SLC16A2: variants seen among roughly 807,000 people sequenced by gnomAD.
SLC16A2 encodes solute carrier family 16 member 2.
A neutral mutation model predicts 27.2 loss-of-function variants in SLC16A2; 3 were observed. That is an observed-to-expected ratio of 0.11 (90% CI 0.05 to 0.28). SLC16A2 has a LOEUF of 0.28. Among genes scored for constraint, SLC16A2 ranks in the 10% least tolerant of loss-of-function variants. The probability of loss-of-function intolerance (pLI) is 1.00; values close to 1 mark genes in which losing one functional copy is unlikely to be tolerated. For missense variants in SLC16A2, 295 were observed against 458.5 expected (o/e 0.64, Z 3.26); for synonymous variants, 202 against 187.8 (o/e 1.08, Z -0.62).
At chrX:74,477,444 T>C (rs986067122) in intron 1 of SLC16A2, among the ~76,000 whole-genome samples, 2 of 112,052 alleles carry the variant, frequency 1.8e-5, no homozygotes, top group Admixed American at 9.5e-5. Context: ...CCTGGATTCA[T>C]TGATTTTTTT....
chrX:74,509,050 C>A (rs773335840), intron 1 of SLC16A2, among the ~76,000 whole-genome samples: 1 of 111,285 alleles, frequency 9.0e-6, no homozygotes, highest in South Asian at 3.8e-4. Context: ...TAGCCTCCAC[C>A]TCCCCAGGCT....
chrX:74,454,093 C>T (rs753124980), intron 1 of SLC16A2, among the ~76,000 whole-genome samples: 120 of 111,356 alleles, frequency 1.1e-3, no homozygotes, highest in Non-Finnish European at 1.3e-3. Flanking sequence ...TCACTGTTTT[C>T]TTTCCTGTAC....
chrX:74,462,031 G>A (rs765453833), intron 1 of SLC16A2, among the ~76,000 whole-genome samples: 37 of 111,536 alleles, frequency 3.3e-4, no homozygotes, highest in African/African-American at 1.2e-3. Context: ...CTTAATAGCT[G>A]CCCCTTCCCG....
chrX:74,433,917 G>A (rs1928575976), intron 1 of SLC16A2, among the ~76,000 whole-genome samples: 1 of 112,053 alleles, frequency 8.9e-6, no homozygotes, highest in Non-Finnish European at 1.9e-5. Context: ...CATAAAATAA[G>A]TATAATAATA....
chrX:74,465,950 A>C (rs918355433), intron 1 of SLC16A2, among the ~76,000 whole-genome samples: 8 of 111,249 alleles, frequency 7.2e-5, no homozygotes, highest in African/African-American at 2.6e-4. Flanking sequence ...AGAAAGAACA[A>C]GATGTCCTTA....
intron 1 of SLC16A2, among the ~76,000 whole-genome samples, chrX:74,509,842 C>T (rs770938577): frequency 8.9e-6 from 1 of 112,841 alleles, no homozygotes; most frequent in East Asian, 2.8e-4. Flanking sequence ...GCTGGGATTA[C>T]AGGCGTGGGC....
intron 5 of SLC16A2, among the ~76,000 whole-genome samples, chrX:74,530,290 C>T (rs559959801): frequency 1.5e-4 from 16 of 109,180 alleles, no homozygotes; most frequent in African/African-American, 2.3e-4. Context: ...TTAGTAGAGA[C>T]GGGGTTTCAC....
intron 4 of SLC16A2, among the ~76,000 whole-genome samples, chrX:74,527,533 A>T (rs1286730678): frequency 1.8e-5 from 2 of 112,270 alleles, no homozygotes; most frequent in African/African-American, 3.2e-5. Context: ...GTTGGTAAAG[A>T]CAAGCACATA....
At chrX:74,497,645 C>T (rs1036582908) in intron 1 of SLC16A2, among the ~76,000 whole-genome samples, 21 of 109,504 alleles carry the variant, frequency 1.9e-4, no homozygotes, top group African/African-American at 6.7e-4. Flanking sequence ...GCTGTAGGGC[C>T]TCAGATAATA....
intron 1 of SLC16A2, 68 bp from the exon 2 acceptor site, chrX:74,520,922 T>G: frequency 1.5e-5 from 17 of 1,144,521 alleles, no homozygotes; most frequent in Non-Finnish European, 2.0e-5. Flanking sequence ...GAAGAAGAGC[T>G]GAGATACCAG....
In SLC16A2 at chrX:74,506,665, C is replaced by G. The variant is rs780385780; in HGVS notation, c.431-14325C>G. Among the ~76,000 whole-genome samples the G allele has an allele frequency of 1.2e-4, 13 of 110,753 alleles. No homozygotes were observed. The Admixed American group carries it at 1.3e-3, about 11-fold the overall frequency. ...CAGGTCTAGGGCAGAAGGGAGATCT[C>G]AGGGACTTTCCCATGGAGCCCCAGG... On this transcript the variant is annotated intron_variant, in intron 1 of 5. Transcript: ENST00000587091.
At chrX:74,516,470 G>A (rs1930318880) in intron 1 of SLC16A2, among the ~76,000 whole-genome samples, 1 of 111,185 alleles carries the variant, frequency 9.0e-6, no homozygotes. Flanking sequence ...AATGAGGGAG[G>A]GTGAGGAGAT....
intron 1 of SLC16A2, among the ~76,000 whole-genome samples, chrX:74,457,676 G>GAC (rs1412146334): frequency 3.6e-5 from 4 of 111,209 alleles, no homozygotes; most frequent in Admixed American, 9.7e-5. Flanking sequence ...TTTTTGGGGA[G>GAC]ACACACACAC....
chrX:74,462,285 A>G (rs906009395), intron 1 of SLC16A2, among the ~76,000 whole-genome samples: 3 of 111,637 alleles, frequency 2.7e-5, no homozygotes, highest in Non-Finnish European at 5.6e-5. Flanking sequence ...CCTGACTGCT[A>G]GTGTTTCACC....
chrX:74,523,809 C>T (rs935104743), intron 2 of SLC16A2, among the ~76,000 whole-genome samples: 5 of 111,951 alleles, frequency 4.5e-5, no homozygotes, highest in Non-Finnish European at 9.4e-5. Context: ...TTTGGGAGGG[C>T]GTATGTCTCA....
At chrX:74,496,266 ACACACACACG>A (rs1352258800) in intron 1 of SLC16A2, among the ~76,000 whole-genome samples, 590 of 40,267 alleles carry the variant, frequency 0.015, no homozygotes, top group Middle Eastern at 0.098. Context: ...ACACACACAC[ACACACACACG>A]CACACACACA....
At chrX:74,492,974 C>A (rs1929859557) in intron 1 of SLC16A2, among the ~76,000 whole-genome samples, 1 of 111,860 alleles carries the variant, frequency 8.9e-6, no homozygotes, top group Non-Finnish European at 1.9e-5. Flanking sequence ...AGCTGGCCTC[C>A]CCGATGTTTT....
chrX:74,421,785 G>A lies in SLC16A2; in HGVS notation c.148G>A (p.Glu50Lys), dbSNP rs756065515. The change falls in exon 1 of 6, where the codon GAG (glutamate) becomes AAG (lysine). Residue 50 changes from glutamate to lysine, a missense_variant. This residue lies in a region of SLC16A2 where 92 missense variants were observed against 85.1 expected (regional missense o/e 1.08). Transcript: ENST00000587091. ...CGAGCCCGTGCCAGTGCCCCCGCCCGAGCCCCAGCCGGAGCCCCAGCCCCT... is the reference window on the plus strand; with the variant it reads ...CGAGCCCGTGCCAGTGCCCCCGCCCAAGCCCCAGCCGGAGCCCCAGCCCCT... ...EPEPVPVPPP[E>K]PQPEPQPLPD... 1.7e-5 allele frequency: 20 copies of A among 1,147,139 alleles called. No homozygotes were observed. Among genetic ancestry groups the A allele is most frequent in the Admixed American group, 2.5e-5 (1 of 39,770 alleles). The allele number at this position is 1,147,139 out of a possible 1,213,427, so 94.5% of individuals were successfully genotyped here.
intron 1 of SLC16A2, among the ~76,000 whole-genome samples, chrX:74,507,905 C>T (rs765323548): frequency 8.9e-6 from 1 of 112,067 alleles, no homozygotes; most frequent in South Asian, 3.7e-4. Context: ...TTGATGAACA[C>T]TTAGGTTGAT....
Sources: gnomAD v4.1 joint callset for allele counts (sites outside exome capture counted in the v4.1 genomes callset) on GRCh38, gnomAD v4.1.1 for gene constraint, gnomAD v4.1.1 regional missense constraint, MANE v1.5 for transcripts, NCBI Gene and HGNC (gene_info 2026-07-23, HGNC 2026-07-21) for gene names.